Variants in ARHGEF15 observed in about 807,000 individuals in gnomAD.
ARHGEF15 encodes Rho guanine nucleotide exchange factor 15, also known as Rho guanine nucleotide exchange factor (GEF) 15.
Under a neutral mutation model 79.7 loss-of-function variants are expected in ARHGEF15, and 58 were observed. The ratio of observed to expected loss-of-function variants is 0.73; its 90% CI spans 0.59 to 0.91. ARHGEF15 has a LOEUF of 0.91. ARHGEF15 is among the 40% of genes least tolerant of loss of function. The pLI, the probability that ARHGEF15 is intolerant of heterozygous loss-of-function variation, is 0.00. For synonymous variants in ARHGEF15, 442 were observed against 456.0 expected, an observed-to-expected ratio of 0.97 and a Z score of 0.39; for missense variants, 1,012 against 1,108.1, an observed-to-expected ratio of 0.91 and a Z score of 1.23.
In ARHGEF15 at chr17:8,312,309, C is replaced by T. The variant is rs751012549; in HGVS notation, c.270C>T (p.Ser90=). The T allele has an allele frequency of 1.9e-6, 3 of 1,572,284 alleles. No homozygotes were observed. The highest frequency in any genetic ancestry group is 2.4e-5 in the South Asian group (2 of 83,226). ...GAGCCAGCCTCGACTCCCAGACTTC[C>T]CCAGACTCACCTTCCAGCACCCCCA... ...ASRASLDSQT[S]PDSPSSTPTP... Residue 90 remains serine, a synonymous_variant, in exon 2 of 16, where the codon TCC becomes TCT. Transcript: ENST00000361926.
chr17:8,318,352 C>A lies in ARHGEF15; in HGVS notation c.1705-35C>A. ...CCCTCTGAATCCCAGGGCCACAGAG[C>A]AGGGGGCCCAGTCACCCTTCCTCCT... On this transcript the variant is annotated intron_variant, in intron 9 of 15. Coordinates refer to ENST00000361926, the MANE Select transcript of ARHGEF15 (RefSeq NM_173728.4). This position sits in a 1 kb window ranked among gnomAD's most constrained non-coding sequence, Gnocchi z 5.0. 6.3e-7 allele frequency: 1 copy of A among 1,597,296 alleles called. No homozygotes were observed. Among genetic ancestry groups the A allele is most frequent in the Non-Finnish European group, 8.6e-7 (1 of 1,168,292 alleles).
rs1060500051 is a variant in ARHGEF15 at position 8,318,654 on chromosome 17, A to G, written c.1864A>G (p.Lys622Glu). ...GCTCACCCAAAGGCTGCGCTTCCAC[A>G]AAGTCAAGGTACATCGCTGCCCAGG... ...IRLTQRLRFH[K>E]VKALPLVSWS... Residue 622 changes from lysine to glutamate, a missense_variant, in exon 11 of 16, where the codon AAA (lysine) becomes GAA (glutamate). Transcript: ENST00000361926. The surrounding 1 kb of genome is among the most constrained non-coding windows in gnomAD (Gnocchi z 5.0). 1.2e-6 allele frequency: 2 copies of G among 1,613,338 alleles called. No individual in the cohort carries two copies. The highest frequency in any genetic ancestry group is 1.1e-5 in the South Asian group (1 of 91,038).
Position 8,315,882 on chromosome 17 carries a change from C to G in ARHGEF15, c.1549C>G (p.Gln517Glu). Residue 517 changes from glutamine to glutamate, a missense_variant, in exon 8 of 16, where the codon CAG becomes GAG. Coordinates refer to ENST00000361926, the MANE Select transcript of ARHGEF15 (RefSeq NM_173728.4). This position sits in a 1 kb window ranked among gnomAD's most constrained non-coding sequence, Gnocchi z 4.3. ...YVDYVRNQQY[Q>E]EETYSRLMDT... is the part of the protein sequence containing the mutation. ...GGATTATGTGCGGAACCAGCAGTAT[C>G]AGGAGGAGACCTACAGCCGCCTCAT... is the stretch of plus-strand genomic sequence containing the variant. 1 of 1,610,976 alleles carries G rather than the reference C, an allele frequency of 6.2e-7. No individual in the cohort carries two copies. Among genetic ancestry groups the G allele is most frequent in the Non-Finnish European group, 8.5e-7 (1 of 1,179,980 alleles).
intron 9 of ARHGEF15, among the ~76,000 whole-genome samples, chr17:8,317,716 T>A (rs1905116197): frequency 6.6e-6 from 1 of 152,178 alleles, no homozygotes; most frequent in African/African-American, 2.4e-5. Context: ...TAAGCACTCT[T>A]AGCTACTCTG....
At chr17:8,311,229 G>A (rs1038391801) in intron 1 of ARHGEF15, among the ~76,000 whole-genome samples, 7 of 152,028 alleles carry the variant, frequency 4.6e-5, no homozygotes, top group African/African-American at 1.4e-4. Context: ...CCTCGAGGGA[G>A]GAAGAGAAAC....
intron 9 of ARHGEF15, among the ~76,000 whole-genome samples, chr17:8,317,328 G>A (rs1905087383): frequency 6.6e-6 from 1 of 151,950 alleles, no homozygotes; most frequent in South Asian, 2.1e-4. Flanking sequence ...TTGAACTCCC[G>A]GCCTCAAGCA....
intron 2 of ARHGEF15, 28 bp downstream of exon 2, chr17:8,312,668 G>A (rs1423856916): frequency 3.7e-6 from 6 of 1,611,322 alleles, no homozygotes; most frequent in Non-Finnish European, 3.4e-6. Flanking sequence ...GGGGCGCTGG[G>A]TGACCTCAAT....
chr17:8,321,103 T>G lies in ARHGEF15; in HGVS notation c.*110T>G. ...CTGTCAGTGGAGATACTACCTCTCG[T>G]GGCAACCATAGAGATCGAGCTTCAG... is the stretch of plus-strand genomic sequence containing the variant. On this transcript the variant is annotated 3_prime_UTR_variant, in exon 16 of 16. Coordinates refer to ENST00000361926, the MANE Select transcript of ARHGEF15 (RefSeq NM_173728.4). The G allele has an allele frequency of 6.8e-7, 1 of 1,470,924 alleles. No individual in the cohort carries two copies. The highest frequency in any genetic ancestry group is 9.3e-7 in the Non-Finnish European group (1 of 1,075,032). 91.1% of individuals were successfully genotyped at this position (1,470,924 alleles called of 1,614,324 possible). A position where few individuals can be genotyped will look rare whatever the true frequency, so the allele number is the denominator to read the frequency against.
In ARHGEF15 at chr17:8,318,487, G is replaced by C. The variant is rs1905167796; in HGVS notation, c.1779+26G>C. The C allele has an allele frequency of 6.2e-7, 1 of 1,613,804 alleles. No homozygotes were observed. Among genetic ancestry groups the C allele is most frequent in the South Asian group, 1.1e-5 (1 of 91,070 alleles). On this transcript the variant is annotated intron_variant, in intron 10 of 15. Coordinates refer to ENST00000361926, the MANE Select transcript of ARHGEF15 (RefSeq NM_173728.4). This position sits in a 1 kb window ranked among gnomAD's most constrained non-coding sequence, Gnocchi z 5.0. ...GTGGGCAGTGGGGAAGCTGAAGCAG[G>C]GGGAGGTGACAAGGTGGTAGAGAGA...
chr17:8,313,069 G>GCC lies in ARHGEF15; in HGVS notation c.753_754dup (p.His252ProfsTer85). 1 of 1,573,266 alleles carries GCC rather than the reference G, an allele frequency of 6.4e-7. No homozygotes were observed. The stretch of plus-strand genomic sequence containing the variant: ...TCCCCGCTGCGGACCTCTCGCTCCC[G>GCC]CCCCCACCCTCCAAGCATCGGTCAC... On this transcript the variant is annotated frameshift_variant, in exon 3 of 16. Coordinates refer to ENST00000361926, the MANE Select transcript of ARHGEF15 (RefSeq NM_173728.4). LOFTEE classifies it high-confidence loss of function.
At position 8,312,360 on chromosome 17, in the gene ARHGEF15, C is replaced by T. The variant is rs780440722; in HGVS notation, c.321C>T (p.Ser107=). The change falls in exon 2 of 16, where the codon TCC becomes TCT. Residue 107 remains serine (S), a synonymous_variant. Coordinates refer to ENST00000361926, the MANE Select transcript of ARHGEF15 (RefSeq NM_173728.4). Reference sequence around the variant, plus strand: ...CACCTAGTCCAGTGTCCCGGCGCTCCGCCTCCCCAGAACCTGCTCCCCGGT... The same window carrying T: ...CACCTAGTCCAGTGTCCCGGCGCTCTGCCTCCCCAGAACCTGCTCCCCGGT... The part of the protein sequence containing the change: ...TPTPSPVSRR[S]ASPEPAPRSP... The T allele has an allele frequency of 1.0e-5, 16 of 1,601,734 alleles. No homozygotes were observed. The highest frequency in any genetic ancestry group is 4.5e-5 in the East Asian group (2 of 44,806).
At chr17:8,320,821 C>G in intron 15 of ARHGEF15, 21 bp from the exon 16 acceptor site, 1 of 1,611,088 alleles carries the variant, frequency 6.2e-7, no homozygotes, top group Non-Finnish European at 8.5e-7. Flanking sequence ...CTCATTGGAG[C>G]CTCTGTCTCT....
In ARHGEF15 at chr17:8,319,321, G is replaced by T. The variant is rs548786737; in HGVS notation, c.2196G>T (p.Met732Ile). 6.2e-7 allele frequency: 1 copy of T among 1,614,002 alleles called. No homozygotes were observed. The highest frequency in any genetic ancestry group is 1.3e-5 in the African/African-American group (1 of 75,042). ...RLLQASSLSD[M>I]QRWLGAFPTP... Reference sequence around the variant, plus strand: ...CCAATATCCCCACCAGATCAGACATGCAGCGCTGGCTGGGAGCCTTCCCAA... The same window carrying T: ...CCAATATCCCCACCAGATCAGACATTCAGCGCTGGCTGGGAGCCTTCCCAA... Residue 732 changes from methionine to isoleucine, a missense_variant, in exon 14 of 16, where the codon ATG becomes ATT. Met to Ile is a conservative substitution (Grantham distance 10, BLOSUM62 1). This residue lies in a region of ARHGEF15 where 62 missense variants were observed against 101.3 expected (regional missense o/e 0.61). Coordinates refer to ENST00000361926, the MANE Select transcript of ARHGEF15 (RefSeq NM_173728.4).
Position 8,319,352 on chromosome 17 carries a change from G to A in ARHGEF15, c.2227G>A (p.Gly743Ser), listed in dbSNP as rs766298801. Residue 743 changes from glycine to serine, a missense_variant, in exon 14 of 16, where the codon GGC (glycine) becomes AGC (serine). By Grantham distance (56) the Gly-to-Ser change is moderately conservative. Around this residue, in one of 3 missense-constraint regions of ARHGEF15, gnomAD observed 132 missense variants for 124.2 expected, o/e 1.06. Coordinates refer to ENST00000361926, the MANE Select transcript of ARHGEF15 (RefSeq NM_173728.4). ...CTGGCTGGGAGCCTTCCCAACCCCA[G>A]GCCCCCTTCCCTGCTCCCCAGACAC... is the stretch of plus-strand genomic sequence containing the variant. ...QRWLGAFPTP[G>S]PLPCSPDTIY... 1 of 1,614,056 alleles carries A rather than the reference G, an allele frequency of 6.2e-7. No individual in the cohort carries two copies. Among genetic ancestry groups the A allele is most frequent in the Non-Finnish European group, 8.5e-7 (1 of 1,180,002 alleles).
rs975753533 is a variant in ARHGEF15 at position 8,314,773 on chromosome 17, T to C, written c.990-133T>C. 19 of 861,076 alleles carry C rather than the reference T, an allele frequency of 2.2e-5. No homozygotes were observed. In the African/African-American group the frequency reaches 2.9e-4, roughly 13 times the overall value. The allele number at this position is 861,076 out of a possible 1,614,324, so 53.3% of individuals were successfully genotyped here. ...AAAAAAAAAAAAAAAAGCCTGAGGT[T>C]TGATTTGGGGAGCCGTCAGGGTCCC... On this transcript the variant is annotated intron_variant, in intron 4 of 15. Transcript: ENST00000361926.
rs1904916458 is a variant in ARHGEF15 at position 8,315,043 on chromosome 17, G to C, written c.1049-23G>C. 1 of 1,613,400 alleles carries C rather than the reference G, an allele frequency of 6.2e-7. No individual in the cohort carries two copies. The highest frequency in any genetic ancestry group is 1.3e-5 in the African/African-American group (1 of 74,914). ...GGGTTTGGGAGCCCTGGGCTTCCCT[G>C]AAGTGCTATGTTTGCCCTCTAGAAC... On this transcript the variant is annotated intron_variant, in intron 5 of 15. Coordinates refer to ENST00000361926, the MANE Select transcript of ARHGEF15 (RefSeq NM_173728.4). This position sits in a 1 kb window ranked among gnomAD's most constrained non-coding sequence, Gnocchi z 4.3.
Position 8,313,070 on chromosome 17 carries a change from C to A in ARHGEF15, c.750C>A (p.Arg250=). ...CCCCGCTGCGGACCTCTCGCTCCCG[C>A]CCCCACCCTCCAAGCATCGGTCACC... ...RASPLRTSRS[R]PHPPSIGHPA... The change falls in exon 3 of 16, where the codon CGC becomes CGA. Residue 250 remains arginine (R), a synonymous_variant. Coordinates refer to ENST00000361926, the MANE Select transcript of ARHGEF15 (RefSeq NM_173728.4). 6.2e-7 allele frequency: 1 copy of A among 1,607,414 alleles called. No homozygotes were observed. The highest frequency in any genetic ancestry group is 8.5e-7 in the Non-Finnish European group (1 of 1,174,420).
At chr17:8,316,410 C>T (rs945590948) in intron 9 of ARHGEF15, among the ~76,000 whole-genome samples, 2 of 152,186 alleles carry the variant, frequency 1.3e-5, no homozygotes, top group Non-Finnish European at 2.9e-5. Context: ...GAGTTCCACA[C>T]CTAGCTCTGC....
intron 1 of ARHGEF15, among the ~76,000 whole-genome samples, chr17:8,311,189 C>G (rs985738543): frequency 1.3e-5 from 2 of 152,078 alleles, no homozygotes; most frequent in Non-Finnish European, 2.9e-5. Flanking sequence ...AGCCCTGACC[C>G]TGCAGCCTTC....
Sources: gnomAD v4.1 joint callset for allele counts (sites outside exome capture counted in the v4.1 genomes callset) on GRCh38, gnomAD v4.1.1 for gene constraint, gnomAD v4.1.1 regional missense constraint, Gnocchi (gnomAD v3.1) non-coding constraint, MANE v1.5 for transcripts, NCBI Gene and HGNC (gene_info 2026-07-23, HGNC 2026-07-21) for gene names.